Variants in TTC28 observed in about 807,000 individuals in gnomAD.
The protein encoded by TTC28 is tetratricopeptide repeat domain 28.
A neutral mutation model predicts 198.0 loss-of-function variants in TTC28; 61 were observed. The observed-to-expected ratio is 0.31, with a 90% CI of 0.25 to 0.38. The LOEUF (loss-of-function observed/expected upper bound fraction) is 0.38, where lower values mean the gene tolerates loss of function less well. Among genes scored for constraint, TTC28 ranks in the 10% least tolerant of loss-of-function variants. The pLI is 1.00. For synonymous variants in TTC28, 1,171 were observed against 1,297.8 expected, an observed-to-expected ratio of 0.90 and a Z score of 2.10; for missense variants, 2,678 against 3,164.0, an observed-to-expected ratio of 0.85 and a Z score of 3.69.
intron 5 of TTC28, among the ~76,000 whole-genome samples, chr22:28,255,532 T>C (rs180900633): frequency 6.6e-6 from 1 of 152,008 alleles, no homozygotes; most frequent in East Asian, 1.9e-4. Context: ...AAACACAAAA[T>C]TAGCCAGGCG....
intron 5 of TTC28, among the ~76,000 whole-genome samples, chr22:28,246,175 TAGAA>T: frequency 6.6e-6 from 1 of 152,308 alleles, no homozygotes; most frequent in South Asian, 2.1e-4. Context: ...TGTTTAATAA[TAGAA>T]AGAACATAGC....
At chr22:28,093,460 T>C (rs570638674) in intron 12 of TTC28, among the ~76,000 whole-genome samples, 1 of 152,374 alleles carries the variant, frequency 6.6e-6, no homozygotes, top group South Asian at 2.1e-4. Context: ...AGCTCTAAGA[T>C]ACCCTCTTCC....
intron 2 of TTC28, among the ~76,000 whole-genome samples, chr22:28,410,481 GAATAAA>G (rs747151299): frequency 1.6e-4 from 24 of 152,098 alleles, no homozygotes; most frequent in Non-Finnish European, 2.9e-4. Flanking sequence ...GCTAAATAAT[GAATAAA>G]AATAAGTTAT....
chr22:28,174,872 G>A (rs927436380), intron 5 of TTC28, among the ~76,000 whole-genome samples: 2 of 152,052 alleles, frequency 1.3e-5, no homozygotes, highest in African/African-American at 2.4e-5. Flanking sequence ...AGTTTAGGCC[G>A]GCATTGGAGT....
At chr22:28,573,379 G>A (rs2050093343) in intron 2 of TTC28, among the ~76,000 whole-genome samples, 1 of 151,800 alleles carries the variant, frequency 6.6e-6, no homozygotes, top group Non-Finnish European at 1.5e-5. Context: ...ACTTGAACTT[G>A]GGAGGCAGAG....
chr22:28,275,957 G>C (rs1053364262), intron 5 of TTC28, among the ~76,000 whole-genome samples: 1 of 152,060 alleles, frequency 6.6e-6, no homozygotes, highest in Non-Finnish European at 1.5e-5. Context: ...ACAGGCTTTA[G>C]AGGACAGTTT....
intron 5 of TTC28, among the ~76,000 whole-genome samples, chr22:28,283,753 G>A (rs1028533032): frequency 4.6e-5 from 7 of 152,102 alleles, no homozygotes; most frequent in Non-Finnish European, 8.8e-5. Flanking sequence ...GTCTCACCAT[G>A]TTGCTCAGAC....
intron 2 of TTC28, among the ~76,000 whole-genome samples, chr22:28,365,529 A>G (rs901077853): frequency 1.3e-5 from 2 of 152,250 alleles, no homozygotes; most frequent in Non-Finnish European, 1.5e-5. Context: ...ACATGCAAGC[A>G]TAAGCCATCC....
chr22:28,350,721 G>A (rs1388031492), intron 2 of TTC28, among the ~76,000 whole-genome samples: 1 of 152,060 alleles, frequency 6.6e-6, no homozygotes, highest in Non-Finnish European at 1.5e-5. Flanking sequence ...AAACAAAGAG[G>A]GCAGGAGTTA....
intron 5 of TTC28, among the ~76,000 whole-genome samples, chr22:28,166,963 G>C (rs898591337): frequency 2.0e-5 from 3 of 152,056 alleles, no homozygotes; most frequent in African/African-American, 7.2e-5. Flanking sequence ...GAATCAAATA[G>C]ATGCAATAAA....
chr22:28,124,477 C>T (rs373050481), intron 6 of TTC28, among the ~76,000 whole-genome samples: 3 of 152,180 alleles, frequency 2.0e-5, no homozygotes, highest in Admixed American at 6.5e-5. Flanking sequence ...AGGCATTTTA[C>T]ATTTGTTAAT....
chr22:28,094,189 C>T lies in TTC28; in HGVS notation c.3823G>A (p.Asp1275Asn), dbSNP rs1941902571. The T allele has an allele frequency of 2.6e-6, 4 of 1,551,460 alleles. No homozygotes were observed. In the South Asian group the frequency reaches 4.8e-5, roughly 18 times the overall value. Residue 1275 changes from aspartate (D) to asparagine (N), a missense_variant, in exon 12 of 23, where the codon GAC (aspartate) becomes AAC (asparagine). Asp to Asn is a conservative substitution (Grantham distance 23, BLOSUM62 1). This residue lies in a region of TTC28 where 727 missense variants were observed against 861.9 expected (regional missense o/e 0.84). Coordinates refer to ENST00000397906, the MANE Select transcript of TTC28 (RefSeq NM_001145418.2). ...LGENTVENSS[D>N]FQASSSVTLP... The stretch of plus-strand genomic sequence containing the variant: ...GTTACACTGCTGCTGGCCTGGAAGT[C>T]ACTTGAGTTTTCCACTGTGTTCTCA...
intron 2 of TTC28, among the ~76,000 whole-genome samples, chr22:28,563,533 G>C (rs966629114): frequency 1.3e-5 from 2 of 151,990 alleles, no homozygotes; most frequent in African/African-American, 4.8e-5. Flanking sequence ...ACAGCAACAA[G>C]CACATGAAAT....
intron 2 of TTC28, among the ~76,000 whole-genome samples, chr22:28,472,187 T>C (rs1438303350): frequency 6.6e-6 from 1 of 152,200 alleles, no homozygotes; most frequent in Non-Finnish European, 1.5e-5. Flanking sequence ...TATCTATCTA[T>C]CACGTTTCAA....
At chr22:27,996,622 TCTC>T (rs1447968989) in intron 16 of TTC28, among the ~76,000 whole-genome samples, 3 of 151,950 alleles carry the variant, frequency 2.0e-5, no homozygotes, top group Non-Finnish European at 4.4e-5. Context: ...GGTGTGCTCA[TCTC>T]CTCCTTGCCA....
chr22:28,531,600 A>T (rs2049141542), intron 2 of TTC28, among the ~76,000 whole-genome samples: 1 of 152,228 alleles, frequency 6.6e-6, no homozygotes, highest in Non-Finnish European at 1.5e-5. Flanking sequence ...AATCAACAGA[A>T]TATACATTCT....
At chr22:28,463,670 C>A (rs555268744) in intron 2 of TTC28, among the ~76,000 whole-genome samples, 1 of 152,128 alleles carries the variant, frequency 6.6e-6, no homozygotes, top group African/African-American at 2.4e-5. Context: ...GGACAAAAAA[C>A]CAGACAACAC....
At chr22:28,626,259 C>T (rs1454478516) in intron 2 of TTC28, among the ~76,000 whole-genome samples, 1 of 152,036 alleles carries the variant, frequency 6.6e-6, no homozygotes, top group African/African-American at 2.4e-5. Flanking sequence ...ACCTCTTTTA[C>T]AGCCCATATC....
intron 2 of TTC28, among the ~76,000 whole-genome samples, chr22:28,439,231 C>CA (rs1209697505): frequency 6.6e-6 from 1 of 152,102 alleles, no homozygotes; most frequent in East Asian, 1.9e-4. Context: ...GAGATATATG[C>CA]ACAAGGAGAC....
Sources: allele counts gnomAD v4.1 joint callset (sites outside exome capture counted in the v4.1 genomes callset), GRCh38; gene constraint gnomAD v4.1.1; regional missense constraint gnomAD v4.1.1; transcripts MANE v1.5; gene names NCBI Gene and HGNC (gene_info 2026-07-23, HGNC 2026-07-21).